Variants in SDK1 observed in about 807,000 individuals in gnomAD.
SDK1 encodes the protein protein sidekick-1.
In SDK1, 157 loss-of-function variants were observed where a neutral mutation model predicts 245.5. The observed-to-expected ratio is 0.64, with a 90% CI of 0.56 to 0.73. The LOEUF is 0.73. SDK1 is among the 30% of genes least tolerant of loss of function. The pLI is 0.00. For missense variants in SDK1, 3,583 were observed against 3,002.3 expected (o/e 1.19, Z -4.52); for synonymous variants, 1,647 against 1,278.5 (o/e 1.29, Z -6.15).
In SDK1 at chr7:4,265,342, C is replaced by T. The variant is rs1197512170; in HGVS notation, c.6600C>T (p.Pro2200=). ...GCGGCGTCTACACCCCCGCTGGCCC[C>T]GGCGCGCGAACTCCGCTCACCGGCT... is the stretch of plus-strand genomic sequence containing the variant. The part of the protein sequence containing the change: ...SAGGVYTPAG[P]GARTPLTGFS... The change falls in exon 45 of 45, where the codon CCC becomes CCT. Residue 2200 remains proline, a synonymous_variant. Transcript: ENST00000404826. 8 of 1,466,880 alleles carry T rather than the reference C, an allele frequency of 5.5e-6. No homozygotes were observed. The highest frequency in any genetic ancestry group is 2.6e-5 in the Admixed American group (1 of 37,964). The allele number at this position is 1,466,880 out of a possible 1,614,324, so 90.9% of individuals were successfully genotyped here. A position where few individuals can be genotyped will look rare whatever the true frequency, so the allele number is the denominator to read the frequency against.
At chr7:4,036,278 T>G (rs1788211764) in intron 17 of SDK1, among the ~76,000 whole-genome samples, 1 of 152,230 alleles carries the variant, frequency 6.6e-6, no homozygotes, top group South Asian at 2.1e-4. Flanking sequence ...AAGGGTACAG[T>G]GTTTCTTTAG....
At chr7:3,846,071 A>G (rs1167327270) in intron 5 of SDK1, among the ~76,000 whole-genome samples, 1 of 152,188 alleles carries the variant, frequency 6.6e-6, no homozygotes, top group Non-Finnish European at 1.5e-5. Context: ...ACTTGCACAT[A>G]CCAGAAGGAA....
chr7:3,636,733 G>A (rs1782466894), intron 2 of SDK1, among the ~76,000 whole-genome samples: 1 of 152,134 alleles, frequency 6.6e-6, no homozygotes, highest in African/African-American at 2.4e-5. Flanking sequence ...GGATTTGGGG[G>A]TCATGTGGTC....
At chr7:4,244,318 G>A (rs1396999260) in intron 43 of SDK1, among the ~76,000 whole-genome samples, 1 of 152,178 alleles carries the variant, frequency 6.6e-6, no homozygotes, top group Non-Finnish European at 1.5e-5. Context: ...GGGTTGCTGG[G>A]GGTCCTGGAC....
chr7:3,912,579 C>A (rs2128109363), intron 5 of SDK1, among the ~76,000 whole-genome samples: 1 of 152,320 alleles, frequency 6.6e-6, no homozygotes, highest in African/African-American at 2.4e-5. Flanking sequence ...GATAGGGAAG[C>A]CAACCACCCA....
At position 4,267,710 on chromosome 7, in the gene SDK1, C is replaced by CGGG. The variant is rs1788555230; in HGVS notation, c.*2327_*2329dup. On this transcript the variant is annotated 3_prime_UTR_variant, in exon 45 of 45. Transcript: ENST00000404826. Reference sequence around the variant, plus strand: ...AGATTCGAGATATGTTTGTTGCTCTCGGGTTTTCGATACAACATCATGACA... The same window carrying CGGG: ...AGATTCGAGATATGTTTGTTGCTCTCGGGGGGTTTTCGATACAACATCATGACA... The CGGG allele has an allele frequency of 1.0e-6, 1 of 985,360 alleles. No individual in the cohort carries two copies. The highest frequency in any genetic ancestry group is 1.7e-5 in the African/African-American group (1 of 57,236). 61.0% of individuals were successfully genotyped at this position (985,360 alleles called of 1,614,324 possible). A position where few individuals can be genotyped will look rare whatever the true frequency, so the allele number is the denominator to read the frequency against.
At chr7:3,514,411 T>A (rs769457941) in intron 1 of SDK1, among the ~76,000 whole-genome samples, 1 of 152,230 alleles carries the variant, frequency 6.6e-6, no homozygotes, top group Non-Finnish European at 1.5e-5. Flanking sequence ...TATTACTGTT[T>A]TTGATAGAAA....
intron 17 of SDK1, among the ~76,000 whole-genome samples, chr7:4,044,509 G>A (rs998540790): frequency 7.9e-5 from 12 of 152,164 alleles, no homozygotes; most frequent in Non-Finnish European, 1.5e-4. Flanking sequence ...AGTGGCAGGA[G>A]CATAGCTCAC....
chr7:4,166,795 C>T (rs1029385719), intron 32 of SDK1, among the ~76,000 whole-genome samples: 8 of 152,216 alleles, frequency 5.3e-5, no homozygotes, highest in African/African-American at 1.9e-4. Flanking sequence ...TCCCTCAGCC[C>T]AGCTCCCTGT....
At chr7:4,200,909 C>G (rs148824669) in intron 35 of SDK1, among the ~76,000 whole-genome samples, 105 of 152,322 alleles carry the variant, frequency 6.9e-4, no homozygotes, top group Middle Eastern at 6.8e-3. Flanking sequence ...ATTGCCATGC[C>G]CATGCATTAC....
At chr7:3,454,390 G>T (rs1180468674) in intron 1 of SDK1, among the ~76,000 whole-genome samples, 1 of 136,740 alleles carries the variant, frequency 7.3e-6, no homozygotes, top group East Asian at 2.0e-4. Context: ...CCCAAGATTT[G>T]TGTGTGTGTG....
At chr7:3,316,658 T>C (rs1779669938) in intron 1 of SDK1, among the ~76,000 whole-genome samples, 1 of 152,204 alleles carries the variant, frequency 6.6e-6, no homozygotes, top group South Asian at 2.1e-4. Context: ...CTAGTAGATG[T>C]ACACAGCAGG....
chr7:3,504,640 A>G (rs551065895), intron 1 of SDK1, among the ~76,000 whole-genome samples: 1 of 152,312 alleles, frequency 6.6e-6, no homozygotes, highest in East Asian at 1.9e-4. Flanking sequence ...CCTACCTCAC[A>G]GCATATGCAG....
intron 1 of SDK1, among the ~76,000 whole-genome samples, chr7:3,584,569 C>T (rs1780619094): frequency 6.6e-6 from 1 of 152,116 alleles, no homozygotes; most frequent in Non-Finnish European, 1.5e-5. Flanking sequence ...TGGCCAGGTG[C>T]TTTCCCATTC....
intron 5 of SDK1, among the ~76,000 whole-genome samples, chr7:3,911,057 T>C (rs1027801693): frequency 6.6e-6 from 1 of 152,238 alleles, no homozygotes; most frequent in African/African-American, 2.4e-5. Context: ...TGCCTCTGGG[T>C]CAGCTCTCCA....
At chr7:4,109,188 C>T (rs1356903607) in intron 22 of SDK1, among the ~76,000 whole-genome samples, 4 of 152,238 alleles carry the variant, frequency 2.6e-5, no homozygotes, top group Middle Eastern at 3.4e-3. Flanking sequence ...TGGCTGGGGG[C>T]GGAGTTGCTG....
intron 1 of SDK1, among the ~76,000 whole-genome samples, chr7:3,404,151 A>G (rs113421873): frequency 6.6e-6 from 1 of 151,998 alleles, no homozygotes; most frequent in Non-Finnish European, 1.5e-5. Flanking sequence ...AATGGCATCA[A>G]TAGACTTGCT....
rs1013179358 is a variant in SDK1 at position 3,380,427 on chromosome 7, C to G, written c.298+78543C>G. Reference sequence around the variant, plus strand: ...CAGCGTTTTAAGAGTTACAGAAAAGCTATCATTTTGAGCTACCTTGAGACT... The same window carrying G: ...CAGCGTTTTAAGAGTTACAGAAAAGGTATCATTTTGAGCTACCTTGAGACT... On this transcript the variant is annotated intron_variant, in intron 1 of 44. Transcript: ENST00000404826. Among the ~76,000 whole-genome samples the G allele has an allele frequency of 2.0e-5, 3 of 152,172 alleles. No homozygotes were observed. The East Asian group carries it at 5.8e-4, about 29-fold the overall frequency.
intron 1 of SDK1, among the ~76,000 whole-genome samples, chr7:3,523,340 A>G (rs1314003218): frequency 6.6e-6 from 1 of 152,186 alleles, no homozygotes; most frequent in Admixed American, 6.6e-5. Flanking sequence ...CTGTGCTGGC[A>G]TAGGGCTTCT....
Sources: gnomAD v4.1 joint callset for allele counts (sites outside exome capture counted in the v4.1 genomes callset) on GRCh38, gnomAD v4.1.1 for gene constraint, MANE v1.5 for transcripts, NCBI Gene and HGNC (gene_info 2026-07-23, HGNC 2026-07-21) for gene names.